HMGCLL1: variants seen among roughly 807,000 people sequenced by gnomAD.
HMGCLL1 encodes the protein 3-hydroxymethyl-3-methylglutaryl-CoA lyase, cytoplasmic.
In HMGCLL1, 36 loss-of-function variants were observed where a neutral mutation model predicts 39.1. The ratio of observed to expected loss-of-function variants is 0.92; its 90% CI spans 0.71 to 1.22. The LOEUF (loss-of-function observed/expected upper bound fraction) is 1.22. HMGCLL1 is among the 50% of genes most tolerant of loss of function. The probability of loss-of-function intolerance (pLI) is 0.00; values close to 1 mark genes in which losing one functional copy is unlikely to be tolerated. For synonymous variants in HMGCLL1, 149 were observed against 144.0 expected (o/e 1.03, Z -0.25); for missense variants, 451 against 416.5 (o/e 1.08, Z -0.72).
intron 8 of HMGCLL1, among the ~76,000 whole-genome samples, chr6:55,438,432 C>A (rs1763457232): frequency 6.6e-6 from 1 of 152,018 alleles, no homozygotes; most frequent in South Asian, 2.1e-4. Flanking sequence ...AATTATATAA[C>A]CTTGTGGTAA....
chr6:55,543,157 T>A lies in HMGCLL1; in HGVS notation c.109-1017A>T, dbSNP rs6913447. On this transcript the variant is annotated intron_variant, in intron 1 of 8. Coordinates refer to ENST00000274901, the MANE Select transcript of HMGCLL1 (RefSeq NM_001042406.2). ...TATGATATATTATATATTATATATA[T>A]TATATATATAATATATAATATATAA... Among the ~76,000 whole-genome samples, 13 of 6,558 alleles carry A rather than the reference T, an allele frequency of 2.0e-3. 1 individual carries two copies. The highest frequency in any genetic ancestry group is 3.9e-3 in the Admixed American group (1 of 256). The allele number at this position is 6,558 out of a possible 152,430, so 4.3% of individuals were successfully genotyped here. A position where few individuals can be genotyped will look rare whatever the true frequency, so the allele number is the denominator to read the frequency against.
At chr6:55,473,387 C>T (rs1220203544) in intron 7 of HMGCLL1, among the ~76,000 whole-genome samples, 1 of 151,358 alleles carries the variant, frequency 6.6e-6, no homozygotes, top group East Asian at 1.9e-4. Flanking sequence ...TATCTCCTAG[C>T]ATATCATTTA....
chr6:55,574,764 C>T (rs1330932771), intron 1 of HMGCLL1, among the ~76,000 whole-genome samples: 1 of 151,910 alleles, frequency 6.6e-6, no homozygotes, highest in Non-Finnish European at 1.5e-5. Flanking sequence ...TATAAAGATA[C>T]ATTATCATCT....
At position 55,579,120 on chromosome 6, in the gene HMGCLL1, G is replaced by T; in HGVS notation, c.-65C>A. 2 of 1,278,680 alleles carry T rather than the reference G, an allele frequency of 1.6e-6. No homozygotes were observed. Among genetic ancestry groups the T allele is most frequent in the Non-Finnish European group, 2.2e-6 (2 of 898,486 alleles). 79.2% of individuals were successfully genotyped at this position (1,278,680 alleles called of 1,614,324 possible). A position where few individuals can be genotyped will look rare whatever the true frequency, so the allele number is the denominator to read the frequency against. On this transcript the variant is annotated 5_prime_UTR_variant, in exon 1 of 9. Coordinates refer to ENST00000274901, the MANE Select transcript of HMGCLL1 (RefSeq NM_001042406.2). ...TGGAGGAGGATGAGGGGCGGGCACC[G>T]CGCTGGGAAACTGCGCCAGCTCGGG...
Position 55,514,071 on chromosome 6 carries a change from T to A in HMGCLL1, c.519A>T (p.Arg173Ser), listed in dbSNP as rs774540992. 5.6e-6 allele frequency: 9 copies of A among 1,612,910 alleles called. No individual in the cohort carries two copies. Among genetic ancestry groups the A allele is most frequent in the Non-Finnish European group, 5.9e-6 (7 of 1,179,580 alleles). The change falls in exon 5 of 9, where the codon AGA becomes AGT. Residue 173 changes from arginine to serine, a missense_variant. Physicochemically the swap from Arg to Ser is moderately radical, Grantham distance 110. Coordinates refer to ENST00000274901, the MANE Select transcript of HMGCLL1 (RefSeq NM_001042406.2). ...ACCCTCGTGCTGGAATATTCATGTGTCTTGCAGACTTAACAACCTCCTCAA... is the reference window on the plus strand; with the variant it reads ...ACCCTCGTGCTGGAATATTCATGTGACTTGCAGACTTAACAACCTCCTCAA... ...GKFEEVVKSA[R>S]HMNIPARGYV...
the HMGCLL1 span, among the ~76,000 whole-genome samples, chr6:55,601,398 G>C: frequency 2.0e-5 from 3 of 152,256 alleles, no homozygotes; most frequent in South Asian, 6.2e-4. Context: ...GGATAGCTTT[G>C]ACTGGTTCGC....
intron 7 of HMGCLL1, among the ~76,000 whole-genome samples, chr6:55,495,046 A>T (rs1165136059): frequency 6.6e-6 from 1 of 152,216 alleles, no homozygotes; most frequent in African/African-American, 2.4e-5. Flanking sequence ...TTGTTTCATG[A>T]TTATGATAGT....
intron 7 of HMGCLL1, among the ~76,000 whole-genome samples, chr6:55,473,429 A>C (rs1765132730): frequency 6.6e-6 from 1 of 151,384 alleles, no homozygotes; most frequent in South Asian, 2.1e-4. Flanking sequence ...ATTTATCTAC[A>C]GTTTCCAATA....
intron 1 of HMGCLL1, among the ~76,000 whole-genome samples, chr6:55,568,754 G>A (rs1269147532): frequency 1.3e-5 from 2 of 151,974 alleles, no homozygotes; most frequent in Non-Finnish European, 2.9e-5. Context: ...ACACAATTTT[G>A]CTTTATATCT....
chr6:55,583,783 A>T (rs1772024386), upstream of HMGCLL1, among the ~76,000 whole-genome samples: 1 of 152,106 alleles, frequency 6.6e-6, no homozygotes, highest in Non-Finnish European at 1.5e-5. Context: ...CTTCACTGGG[A>T]TATCTAATGG....
At chr6:55,436,925 C>T (rs1472641) in intron 8 of HMGCLL1, among the ~76,000 whole-genome samples, 64,157 of 151,716 alleles carry the variant, frequency 0.42, 13,673 homozygotes, top group African/African-American at 0.47. Context: ...GTCGTGGTAA[C>T]GGCTTTACGT....
At chr6:55,621,637 T>C in the HMGCLL1 span, among the ~76,000 whole-genome samples, 1 of 151,912 alleles carries the variant, frequency 6.6e-6, no homozygotes, top group Non-Finnish European at 1.5e-5. Context: ...GAAAACAAGC[T>C]CAGTGCTCCG....
the HMGCLL1 span, among the ~76,000 whole-genome samples, chr6:55,657,500 G>T: frequency 6.6e-6 from 1 of 151,832 alleles, no homozygotes; most frequent in Non-Finnish European, 1.5e-5. Context: ...ATCACAGAGT[G>T]TGTGGTTTTG....
intron 1 of HMGCLL1, among the ~76,000 whole-genome samples, chr6:55,551,444 G>A (rs2127464670): frequency 6.6e-6 from 1 of 151,974 alleles, no homozygotes; most frequent in East Asian, 1.9e-4. Context: ...TGTAATGTAA[G>A]AGCTATTGTA....
At chr6:55,529,996 A>T (rs181775129) in intron 3 of HMGCLL1, among the ~76,000 whole-genome samples, 1 of 151,582 alleles carries the variant, frequency 6.6e-6, no homozygotes, top group Non-Finnish European at 1.5e-5. Context: ...TTGCTCTACC[A>T]GAAAGCATGG....
At chr6:55,522,948 T>C (rs1768110299) in intron 3 of HMGCLL1, among the ~76,000 whole-genome samples, 1 of 152,076 alleles carries the variant, frequency 6.6e-6, no homozygotes, top group East Asian at 1.9e-4. Flanking sequence ...GGATCTAAAA[T>C]TCATGTGAGA....
intron 7 of HMGCLL1, among the ~76,000 whole-genome samples, chr6:55,457,944 A>G (rs73447007): frequency 0.081 from 12,261 of 152,204 alleles, 553 homozygotes; most frequent in African/African-American, 0.12. Context: ...TGGGAGGAAG[A>G]GAGAAGGATG....
chr6:55,625,898 G>A, the HMGCLL1 span, among the ~76,000 whole-genome samples: 322 of 152,238 alleles, frequency 2.1e-3, 1 homozygote, highest in African/African-American at 7.2e-3. Flanking sequence ...AAGTAGATAG[G>A]ATGACCCGTT....
chr6:55,510,573 T>C (rs1057401110), intron 5 of HMGCLL1, among the ~76,000 whole-genome samples: 3 of 131,676 alleles, frequency 2.3e-5, no homozygotes, highest in African/African-American at 5.8e-5. Flanking sequence ...TTCTCACTCA[T>C]AGATGGGAAT....
Sources: allele counts gnomAD v4.1 joint callset (sites outside exome capture counted in the v4.1 genomes callset), GRCh38; gene constraint gnomAD v4.1.1; transcripts MANE v1.5; gene names NCBI Gene and HGNC (gene_info 2026-07-23, HGNC 2026-07-21).